The following TRIM2 variants were observed in gnomAD, a reference collection of about 807,000 sequenced individuals.
TRIM2 encodes the protein tripartite motif containing 2, also known as tripartite motif-containing protein 2.
TRIM2 carries 20 observed loss-of-function variants against 75.2 expected under a neutral mutation model. That is an observed-to-expected ratio of 0.27 (90% CI 0.19 to 0.39). The LOEUF (loss-of-function observed/expected upper bound fraction) is 0.39. Among genes scored for constraint, TRIM2 ranks in the 10% least tolerant of loss-of-function variants. TRIM2 has a pLI of 1.00. For missense variants in TRIM2, 660 were observed against 990.8 expected (o/e 0.67, Z 4.48); for synonymous variants, 373 against 388.3 (o/e 0.96, Z 0.46).
At position 153,293,129 on chromosome 4, in the gene TRIM2, A is replaced by C; in HGVS notation, c.601A>C (p.Lys201Gln). ...SLQVQLDAVNKRLPEIDSALQ... is the reference protein window; with the variant it reads ...SLQVQLDAVNQRLPEIDSALQ... ...CCAGGTCCAGCTGGATGCTGTCAAC[A>C]AAAGGTGGGGGACCCCTCCCCAAAC... The change falls in exon 4 of 12, where the codon AAA becomes CAA. Residue 201 changes from lysine (K) to glutamine (Q), a missense_variant. By Grantham distance (53) the Lys-to-Gln change is moderately conservative. Around this residue, in one of 2 missense-constraint regions of TRIM2, gnomAD observed 620 missense variants for 891.0 expected, o/e 0.70. Coordinates refer to ENST00000338700, the MANE Select transcript of TRIM2 (RefSeq NM_015271.5). 6.2e-7 allele frequency: 1 copy of C among 1,604,428 alleles called. No homozygotes were observed. The highest frequency in any genetic ancestry group is 8.5e-7 in the Non-Finnish European group (1 of 1,172,908).
chr4:153,284,140 A>G (rs1470970061), intron 3 of TRIM2, among the ~76,000 whole-genome samples: 1 of 151,084 alleles, frequency 6.6e-6, no homozygotes, highest in African/African-American at 2.4e-5. Flanking sequence ...CGGCCTCCCA[A>G]AGTGCTGGGA....
At chr4:153,154,273 T>G (rs1729016468) in intron 1 of TRIM2, among the ~76,000 whole-genome samples, 1 of 152,160 alleles carries the variant, frequency 6.6e-6, no homozygotes, top group African/African-American at 2.4e-5. Flanking sequence ...GTCTAACTAC[T>G]GCAGTCTCTG....
intron 6 of TRIM2, among the ~76,000 whole-genome samples, chr4:153,304,362 C>A (rs1287493835): frequency 6.6e-6 from 1 of 152,116 alleles, no homozygotes; most frequent in Admixed American, 6.5e-5. Context: ...GATCTGCCCG[C>A]CTTGGCCTCC....
chr4:153,268,118 G>C (rs1160044927), intron 1 of TRIM2, among the ~76,000 whole-genome samples: 1 of 152,230 alleles, frequency 6.6e-6, no homozygotes, highest in Admixed American at 6.5e-5. Context: ...TGTTGAGCCA[G>C]ATTACCGGTC....
chr4:153,264,317 C>T (rs901486810), intron 1 of TRIM2, among the ~76,000 whole-genome samples: 1 of 152,168 alleles, frequency 6.6e-6, no homozygotes, highest in Non-Finnish European at 1.5e-5. Flanking sequence ...TTCCTTTCTA[C>T]TGGCTTTTTG....
chr4:153,185,357 G>A (rs1480680430), intron 1 of TRIM2, among the ~76,000 whole-genome samples: 3 of 152,004 alleles, frequency 2.0e-5, no homozygotes, highest in African/African-American at 7.2e-5. Flanking sequence ...GGAAATCTCA[G>A]GAATATTTTG....
At chr4:153,300,774 C>T (rs1490665467) in intron 6 of TRIM2, among the ~76,000 whole-genome samples, 3 of 152,128 alleles carry the variant, frequency 2.0e-5, no homozygotes, top group Non-Finnish European at 2.9e-5. Context: ...CCACCCACCT[C>T]AGCCTCCCAA....
rs116432700 is a variant in TRIM2 at position 153,156,187 on chromosome 4, C to T, written c.-49+2917C>T. On this transcript the variant is annotated intron_variant, in intron 1 of 11. Coordinates refer to the TRIM2 transcript ENST00000437508. ...AGACTTTTGCCTTCTTTGTGGGTAA[C>T]GGGTGTGAATGGGAGCTCTCCCGGG... Among the ~76,000 whole-genome samples, 861 of 152,286 alleles carry T rather than the reference C, an allele frequency of 5.7e-3. 9 individuals are homozygous for T. Among genetic ancestry groups the T allele is most frequent in the African/African-American group, 0.017 (726 of 41,550 alleles).
intron 1 of TRIM2, among the ~76,000 whole-genome samples, chr4:153,171,879 T>A (rs1730906966): frequency 1.5e-5 from 2 of 136,898 alleles, no homozygotes; most frequent in Admixed American, 1.6e-4. Flanking sequence ...AAAGCAAATC[T>A]CAGATATTTT....
chr4:153,166,220 T>C (rs1730289815), intron 1 of TRIM2, among the ~76,000 whole-genome samples: 1 of 152,212 alleles, frequency 6.6e-6, no homozygotes, highest in Non-Finnish European at 1.5e-5. Flanking sequence ...CCCCTTGTAT[T>C]GTTTCTTTGT....
At chr4:153,191,159 C>G (rs892315433) in intron 1 of TRIM2, among the ~76,000 whole-genome samples, 3 of 152,198 alleles carry the variant, frequency 2.0e-5, no homozygotes, top group Admixed American at 1.3e-4. Flanking sequence ...AGCTGGTGAC[C>G]TCCTATCTTA....
At chr4:153,314,296 T>C (rs887265273) in intron 6 of TRIM2, among the ~76,000 whole-genome samples, 6 of 148,898 alleles carry the variant, frequency 4.0e-5, no homozygotes, top group African/African-American at 1.5e-4. Context: ...GGCGGGCGCC[T>C]GTAGTCCCAG....
intron 1 of TRIM2, among the ~76,000 whole-genome samples, chr4:153,164,766 C>T (rs969254226): frequency 4.6e-5 from 7 of 152,162 alleles, no homozygotes; most frequent in Non-Finnish European, 8.8e-5. Flanking sequence ...CTCTTCTACA[C>T]TCTACTTTCT....
At chr4:153,291,772 A>G (rs992933363) in intron 3 of TRIM2, among the ~76,000 whole-genome samples, 1 of 152,082 alleles carries the variant, frequency 6.6e-6, no homozygotes, top group Non-Finnish European at 1.5e-5. Context: ...CATCATCCCC[A>G]CAGCAGCTAC....
At chr4:153,173,282 T>G (rs1731064905) in intron 1 of TRIM2, among the ~76,000 whole-genome samples, 1 of 152,114 alleles carries the variant, frequency 6.6e-6, no homozygotes, top group Admixed American at 6.6e-5. Context: ...ATCCCAACGC[T>G]TTGGGGTCTG....
intron 1 of TRIM2, among the ~76,000 whole-genome samples, chr4:153,221,485 G>A (rs923608410): frequency 1.3e-5 from 2 of 152,110 alleles, no homozygotes; most frequent in Non-Finnish European, 2.9e-5. Flanking sequence ...GCCTTTCTTC[G>A]TTTCCTGCTT....
At chr4:153,162,170 G>A (rs1280287208) in intron 1 of TRIM2, among the ~76,000 whole-genome samples, 1 of 152,162 alleles carries the variant, frequency 6.6e-6, no homozygotes, top group South Asian at 2.1e-4. Flanking sequence ...AGAAATACTT[G>A]TTTGGATTGA....
chr4:153,279,008 C>T (rs1355320156), intron 3 of TRIM2, among the ~76,000 whole-genome samples: 4 of 152,006 alleles, frequency 2.6e-5, no homozygotes, highest in Admixed American at 1.3e-4. Flanking sequence ...ACATGTTTGA[C>T]GTCAATTTCT....
chr4:153,188,905 T>G (rs1732896524), intron 1 of TRIM2, among the ~76,000 whole-genome samples: 1 of 152,106 alleles, frequency 6.6e-6, no homozygotes, highest in South Asian at 2.1e-4. Context: ...ACCCAGAAAA[T>G]CCAAAGTCTT....
Sources: gnomAD v4.1 joint callset for allele counts (sites outside exome capture counted in the v4.1 genomes callset) on GRCh38, gnomAD v4.1.1 for gene constraint, gnomAD v4.1.1 regional missense constraint, MANE v1.5 for transcripts, NCBI Gene and HGNC (gene_info 2026-07-23, HGNC 2026-07-21) for gene names.